The following LAMA2 variants were observed in gnomAD, a reference collection of about 807,000 sequenced individuals.
The protein encoded by LAMA2 is laminin subunit alpha-2.
In LAMA2, 269 loss-of-function variants were observed where a neutral mutation model predicts 364.8. The ratio of observed to expected loss-of-function variants is 0.74; its 90% confidence interval spans 0.67 to 0.82. The LOEUF (loss-of-function observed/expected upper bound fraction) is 0.82, where lower values mean the gene tolerates loss of function less well. Among genes scored for constraint, LAMA2 ranks in the 40% least tolerant of loss-of-function variants. The pLI is 0.00. For synonymous variants in LAMA2, 1,379 were observed against 1,370.6 expected (o/e 1.01, Z -0.14); for missense variants, 3,807 against 3,873.2 (o/e 0.98, Z 0.45).
At chr6:129,448,100 C>T (rs1474542806) in intron 45 of LAMA2, among the ~76,000 whole-genome samples, 1 of 152,062 alleles carries the variant, frequency 6.6e-6, no homozygotes, top group Non-Finnish European at 1.5e-5. Flanking sequence ...CCAGCCTGGG[C>T]CATGTCACAA....
At chr6:128,920,939 A>T (rs1258577179) in intron 1 of LAMA2, among the ~76,000 whole-genome samples, 1 of 152,206 alleles carries the variant, frequency 6.6e-6, no homozygotes, top group Non-Finnish European at 1.5e-5. Context: ...ATAGAAAACA[A>T]GTAAGAGGCT....
Position 129,505,315 on chromosome 6 carries a change from G to T in LAMA2, c.8663G>T (p.Gly2888Val), listed in dbSNP as rs1232173329. The T allele has an allele frequency of 1.2e-6, 2 of 1,613,644 alleles. No individual in the cohort carries two copies. Among genetic ancestry groups the T allele is most frequent in the South Asian group, 1.1e-5 (1 of 91,072 alleles). ...GATGTCGTGGGAATGCTGTATGTTGGTGGGTTACCCATCAACTACACTACC... is the reference window on the plus strand; with the variant it reads ...GATGTCGTGGGAATGCTGTATGTTGTTGGGTTACCCATCAACTACACTACC... The part of the protein sequence containing the change: ...ILDVVGMLYV[G>V]GLPINYTTRR... Residue 2888 changes from glycine (G) to valine (V), a missense_variant, in exon 61 of 65, where the codon GGT becomes GTT. Coordinates refer to ENST00000421865, the MANE Select transcript of LAMA2 (RefSeq NM_000426.4).
At chr6:129,252,504 T>A (rs1266743080) in intron 14 of LAMA2, among the ~76,000 whole-genome samples, 1 of 152,210 alleles carries the variant, frequency 6.6e-6, no homozygotes, top group Non-Finnish European at 1.5e-5. Flanking sequence ...GTTTTTATTA[T>A]TATTGATGAT....
chr6:129,473,173 A>AAAATG (rs1783896371), intron 51 of LAMA2, 41 bp from the exon 52 acceptor site: 1 of 1,485,128 alleles, frequency 6.7e-7, no homozygotes, highest in Non-Finnish European at 9.4e-7. Flanking sequence ...TGTGGTTGAT[A>AAAATG]TTGCTCAAAT....
chr6:129,333,736 T>C (rs933969406), intron 29 of LAMA2, among the ~76,000 whole-genome samples: 14 of 152,300 alleles, frequency 9.2e-5, no homozygotes, highest in African/African-American at 3.4e-4. Context: ...ATTAAATGTA[T>C]ATGTCTTATG....
At chr6:129,135,390 G>C (rs1403929163) in intron 4 of LAMA2, among the ~76,000 whole-genome samples, 2 of 152,160 alleles carry the variant, frequency 1.3e-5, no homozygotes, top group Non-Finnish European at 2.9e-5. Flanking sequence ...CTTCCTCTGT[G>C]GGTAGTGATG....
intron 1 of LAMA2, among the ~76,000 whole-genome samples, chr6:128,916,011 A>G (rs992812424): frequency 4.6e-5 from 7 of 152,212 alleles, no homozygotes; most frequent in African/African-American, 1.7e-4. Context: ...TGAAATTCAA[A>G]TATTTAATTG....
chr6:129,056,236 T>C lies in LAMA2; in HGVS notation c.284-3548T>C, dbSNP rs1035243358. Among the ~76,000 whole-genome samples, 3 of 152,242 alleles carry C rather than the reference T, an allele frequency of 2.0e-5. No homozygotes were observed. In the East Asian group the frequency reaches 5.8e-4, roughly 29 times the overall value. ...AGAAGTGCCAACAATATTTCATTTA[T>C]GGTTTTGATTCCCCATATGCCAATT... On this transcript the variant is annotated intron_variant, in intron 2 of 64. Coordinates refer to ENST00000421865, the MANE Select transcript of LAMA2 (RefSeq NM_000426.4).
chr6:129,271,407 A>G (rs756204312), intron 17 of LAMA2, among the ~76,000 whole-genome samples: 17 of 151,728 alleles, frequency 1.1e-4, no homozygotes, highest in Non-Finnish European at 2.4e-4. Context: ...AGCCTCTCTC[A>G]GTAAACAGCT....
chr6:129,064,179 C>A (rs1053335313), intron 3 of LAMA2, among the ~76,000 whole-genome samples: 1 of 151,396 alleles, frequency 6.6e-6, no homozygotes, highest in Non-Finnish European at 1.5e-5. Context: ...CCCAAACAAC[C>A]AATGGATAAA....
chr6:129,415,648 C>A (rs538457952), intron 40 of LAMA2, among the ~76,000 whole-genome samples: 1 of 151,998 alleles, frequency 6.6e-6, no homozygotes, highest in Non-Finnish European at 1.5e-5. Flanking sequence ...GAGTTTGAGA[C>A]CAGCCTGGAC....
chr6:129,139,621 G>A (rs1360125227), intron 4 of LAMA2, among the ~76,000 whole-genome samples: 1 of 152,056 alleles, frequency 6.6e-6, no homozygotes, highest in Admixed American at 6.6e-5. Context: ...AACTATAACT[G>A]ATGAGGGGTG....
intron 34 of LAMA2, among the ~76,000 whole-genome samples, chr6:129,370,378 T>C: frequency 6.6e-6 from 1 of 152,250 alleles, no homozygotes; most frequent in East Asian, 1.9e-4. Context: ...TTTGCATTAG[T>C]ATAGAAATAC....
At chr6:129,290,280 A>G (rs1388776826) in intron 19 of LAMA2, among the ~76,000 whole-genome samples, 2 of 152,190 alleles carry the variant, frequency 1.3e-5, no homozygotes, top group African/African-American at 2.4e-5. Context: ...ATAAAAGTAT[A>G]TACAAATTCG....
chr6:129,212,531 T>C (rs1402631628), intron 12 of LAMA2, among the ~76,000 whole-genome samples: 2 of 152,154 alleles, frequency 1.3e-5, no homozygotes, highest in African/African-American at 2.4e-5. Context: ...AACAAAGATA[T>C]ACAGCTTCTC....
intron 1 of LAMA2, among the ~76,000 whole-genome samples, chr6:129,047,833 C>A (rs1395107109): frequency 2.0e-5 from 3 of 152,182 alleles, no homozygotes; most frequent in Non-Finnish European, 4.4e-5. Flanking sequence ...AATTTACTTT[C>A]TTTTTTAATT....
intron 12 of LAMA2, among the ~76,000 whole-genome samples, chr6:129,202,685 G>A (rs532174385): frequency 1.4e-4 from 22 of 152,118 alleles, no homozygotes; most frequent in Admixed American, 6.5e-4. Context: ...ATATGTTAAA[G>A]TATTAGGAAA....
intron 1 of LAMA2, among the ~76,000 whole-genome samples, chr6:128,963,067 A>G (rs190934776): frequency 1.3e-5 from 2 of 152,304 alleles, no homozygotes; most frequent in African/African-American, 4.8e-5. Context: ...TATTGGGAGA[A>G]GAATGGTGAC....
chr6:129,064,943 A>G (rs1789194306), intron 3 of LAMA2, among the ~76,000 whole-genome samples: 1 of 152,154 alleles, frequency 6.6e-6, no homozygotes, highest in African/African-American at 2.4e-5. Context: ...TACCAAAGCC[A>G]AAGACACTGC....
Sources: allele counts gnomAD v4.1 joint callset (sites outside exome capture counted in the v4.1 genomes callset), GRCh38; gene constraint gnomAD v4.1.1; transcripts MANE v1.5; gene names NCBI Gene and HGNC (gene_info 2026-07-23, HGNC 2026-07-21).